MARCHF1: variants seen among roughly 807,000 people sequenced by gnomAD.
The protein encoded by MARCHF1 is membrane associated ring-CH-type finger 1, also known as E3 ubiquitin-protein ligase MARCHF1.
Under a neutral mutation model 54.2 loss-of-function variants are expected in MARCHF1, and 40 were observed. That is an observed-to-expected ratio of 0.74 (90% CI 0.57 to 0.96). MARCHF1 has a LOEUF of 0.96. MARCHF1 is among the 40% of genes least tolerant of loss of function. The pLI is 0.00. For synonymous variants in MARCHF1, 236 were observed against 236.3 expected (o/e 1.00, Z 0.01); for missense variants, 586 against 656.5 (o/e 0.89, Z 1.17).
chr4:163,550,155 G>C (rs1370981746), intron 8 of MARCHF1, among the ~76,000 whole-genome samples: 1 of 151,856 alleles, frequency 6.6e-6, no homozygotes, highest in African/African-American at 2.4e-5. Context: ...GGCGGCGGGC[G>C]ACTGTAGTCC....
intron 4 of MARCHF1, among the ~76,000 whole-genome samples, chr4:163,711,331 A>G (rs1295661830): frequency 6.6e-6 from 1 of 152,118 alleles, no homozygotes; most frequent in Non-Finnish European, 1.5e-5. Context: ...TGGAAATCCC[A>G]GTTTCAGTTA....
intron 4 of MARCHF1, among the ~76,000 whole-genome samples, chr4:163,720,436 T>A (rs1745409117): frequency 6.6e-6 from 1 of 152,234 alleles, no homozygotes; most frequent in South Asian, 2.1e-4. Flanking sequence ...TGTAGCCTTG[T>A]AGTATAGTTT....
intron 1 of MARCHF1, among the ~76,000 whole-genome samples, chr4:164,161,685 G>T (rs573388065): frequency 6.6e-6 from 1 of 152,090 alleles, no homozygotes; most frequent in African/African-American, 2.4e-5. Flanking sequence ...TCATAGTCTT[G>T]TGTAACTTAA....
chr4:163,625,371 C>G (rs776683831), intron 5 of MARCHF1, among the ~76,000 whole-genome samples: 19 of 152,188 alleles, frequency 1.2e-4, no homozygotes, highest in Admixed American at 1.2e-3. Flanking sequence ...TTGTGCTTCA[C>G]TACCACTTTG....
intron 3 of MARCHF1, among the ~76,000 whole-genome samples, chr4:163,893,883 A>G (rs1750718957): frequency 6.6e-6 from 1 of 152,152 alleles, no homozygotes; most frequent in South Asian, 2.1e-4. Flanking sequence ...CCAATACATC[A>G]AAGAAGTGCT....
At chr4:163,620,604 CACAGAGAGAG>C (rs1185353138) in intron 5 of MARCHF1, among the ~76,000 whole-genome samples, 1,144 of 49,634 alleles carry the variant, frequency 0.023, 15 homozygotes, top group African/African-American at 0.079. Flanking sequence ...CACACACACA[CACAGAGAGAG>C]AGAGAGAGAG....
intron 8 of MARCHF1, among the ~76,000 whole-genome samples, chr4:163,555,456 T>C (rs1739253897): frequency 6.6e-6 from 1 of 152,164 alleles, no homozygotes; most frequent in African/African-American, 2.4e-5. Flanking sequence ...AATATCACCA[T>C]GTAAGAACAC....
chr4:164,044,681 T>A (rs1261773905), intron 2 of MARCHF1, among the ~76,000 whole-genome samples: 1 of 152,160 alleles, frequency 6.6e-6, no homozygotes, highest in Admixed American at 6.6e-5. Context: ...TATCTTTCTC[T>A]TTCTCAAGTC....
At chr4:163,669,760 G>C (rs1368858223) in intron 5 of MARCHF1, among the ~76,000 whole-genome samples, 1 of 151,948 alleles carries the variant, frequency 6.6e-6, no homozygotes, top group Non-Finnish European at 1.5e-5. Flanking sequence ...CACCATACCT[G>C]GCTAATTTTT....
intron 1 of MARCHF1, among the ~76,000 whole-genome samples, chr4:164,181,830 G>T (rs1730841498): frequency 6.6e-6 from 1 of 151,962 alleles, no homozygotes; most frequent in Non-Finnish European, 1.5e-5. Flanking sequence ...TTTTAAATTT[G>T]GTTTCAAGTT....
chr4:164,201,050 A>G (rs78843093), intron 1 of MARCHF1, among the ~76,000 whole-genome samples: 1,765 of 152,356 alleles, frequency 0.012, 54 homozygotes, highest in African/African-American at 0.04. Context: ...TGAGCTAGGG[A>G]AAAGCATGGC....
At chr4:163,996,590 T>A (rs950680183) in intron 2 of MARCHF1, among the ~76,000 whole-genome samples, 11 of 152,188 alleles carry the variant, frequency 7.2e-5, no homozygotes, top group African/African-American at 2.6e-4. Context: ...CATATATTTT[T>A]AGCCAAATCT....
chr4:164,183,504 A>G (rs1730887268), intron 1 of MARCHF1, among the ~76,000 whole-genome samples: 1 of 152,220 alleles, frequency 6.6e-6, no homozygotes, highest in South Asian at 2.1e-4. Flanking sequence ...CAAAAGCATC[A>G]ATCTTTTCTT....
At chr4:164,062,606 C>A (rs188842412) in intron 2 of MARCHF1, among the ~76,000 whole-genome samples, 1 of 152,062 alleles carries the variant, frequency 6.6e-6, no homozygotes. Context: ...CTCACTGCAA[C>A]CTCCACCTCC....
At chr4:163,691,535 C>T (rs1000166919) in intron 5 of MARCHF1, among the ~76,000 whole-genome samples, 2 of 152,074 alleles carry the variant, frequency 1.3e-5, no homozygotes, top group Non-Finnish European at 2.9e-5. Context: ...AGGCAAGCTA[C>T]CCAGAGCAGC....
intron 1 of MARCHF1, among the ~76,000 whole-genome samples, chr4:164,306,565 T>A (rs2111410157): frequency 6.6e-6 from 1 of 152,300 alleles, no homozygotes; most frequent in Admixed American, 6.5e-5. Flanking sequence ...AGCCTACCTC[T>A]TAGGCCCTCC....
intron 5 of MARCHF1, among the ~76,000 whole-genome samples, chr4:163,660,395 G>A (rs955272236): frequency 6.6e-6 from 1 of 151,904 alleles, no homozygotes; most frequent in Non-Finnish European, 1.5e-5. Flanking sequence ...ACACACCGGG[G>A]CCTGTCGGTG....
At chr4:164,277,449 T>C (rs1246146553) in intron 1 of MARCHF1, among the ~76,000 whole-genome samples, 1 of 152,234 alleles carries the variant, frequency 6.6e-6, no homozygotes, top group Non-Finnish European at 1.5e-5. Context: ...TCTTTTCAAC[T>C]CCTCTCCTAC....
intron 4 of MARCHF1, among the ~76,000 whole-genome samples, chr4:163,853,178 A>G (rs1749685943): frequency 6.6e-6 from 1 of 152,234 alleles, no homozygotes; most frequent in African/African-American, 2.4e-5. Flanking sequence ...ACATTGTAAA[A>G]TAAAACAAAA....
Sources: allele counts gnomAD v4.1 joint callset (sites outside exome capture counted in the v4.1 genomes callset), GRCh38; gene constraint gnomAD v4.1.1; transcripts MANE v1.5; gene names NCBI Gene and HGNC (gene_info 2026-07-23, HGNC 2026-07-21).